Variants in RAB33B observed in about 807,000 individuals in gnomAD.
RAB33B encodes the protein RAB33B, member RAS oncogene family.
Under a neutral mutation model 15.0 loss-of-function variants are expected in RAB33B, and 6 were observed. That is an observed-to-expected ratio of 0.40 (90% CI 0.22 to 0.79). The LOEUF is 0.79. RAB33B is among the 30% of genes least tolerant of loss of function. RAB33B has a pLI of 0.37. For synonymous variants in RAB33B, 117 were observed against 108.3 expected, an observed-to-expected ratio of 1.08 and a Z score of -0.50; for missense variants, 257 against 296.4, an observed-to-expected ratio of 0.87 and a Z score of 0.98.
At chr4:139,449,372 T>C (rs1749881370), upstream of RAB33B, 1 of 152,186 alleles carries the variant, frequency 6.6e-6, no homozygotes, top group Non-Finnish European at 1.5e-5. Flanking sequence ...AGTGGTGGAC[T>C]TGTGATGGTT....
At chr4:139,471,903 T>C (rs1175761219) in intron 1 of RAB33B, among the ~76,000 whole-genome samples, 5 of 152,232 alleles carry the variant, frequency 3.3e-5, no homozygotes, top group African/African-American at 1.2e-4. Context: ...TGGTGTGAGA[T>C]AGGGATCCAG....
At chr4:139,465,506 C>T (rs975571071) in intron 1 of RAB33B, among the ~76,000 whole-genome samples, 2 of 152,054 alleles carry the variant, frequency 1.3e-5, no homozygotes, top group South Asian at 2.1e-4. Context: ...TTTCTTCTAG[C>T]GTTTTTATGG....
the RAB33B span, among the ~76,000 whole-genome samples, chr4:139,444,366 T>C: frequency 6.6e-6 from 1 of 152,102 alleles, no homozygotes; most frequent in Non-Finnish European, 1.5e-5. Context: ...GTGGAGTGGA[T>C]TAGCCACTTT....
At chr4:139,466,251 T>A (rs1181376040) in intron 1 of RAB33B, among the ~76,000 whole-genome samples, 1 of 152,228 alleles carries the variant, frequency 6.6e-6, no homozygotes, top group East Asian at 1.9e-4. Context: ...TTTGTTTTTA[T>A]AAATGACATG....
chr4:139,472,722 A>C lies in RAB33B; in HGVS notation c.286A>C (p.Arg96=). Reference sequence around the variant, plus strand: ...GGACACAGCAGGACAAGAACGATTCAGAAAGAGCATGGTTCAGCACTACTA... The same window carrying C: ...GGACACAGCAGGACAAGAACGATTCCGAAAGAGCATGGTTCAGCACTACTA... ...LWDTAGQERF[R]KSMVQHYYRN... Residue 96 remains arginine, a synonymous_variant, in exon 2 of 2, where the codon AGA becomes CGA. Transcript: ENST00000305626. The C allele has an allele frequency of 6.2e-7, 1 of 1,608,900 alleles. No homozygotes were observed. The highest frequency in any genetic ancestry group is 8.5e-7 in the Non-Finnish European group (1 of 1,175,466).
chr4:139,473,213 C>A lies in RAB33B; in HGVS notation c.*87C>A. 8.7e-7 allele frequency: 1 copy of A among 1,153,006 alleles called. No individual in the cohort carries two copies. Among genetic ancestry groups the A allele is most frequent in the Non-Finnish European group, 1.2e-6 (1 of 828,292 alleles). The allele number at this position is 1,153,006 out of a possible 1,614,324, so 71.4% of individuals were successfully genotyped here. A position where few individuals can be genotyped will look rare whatever the true frequency, so the allele number is the denominator to read the frequency against. On this transcript the variant is annotated 3_prime_UTR_variant, in exon 2 of 2. Transcript: ENST00000305626. ...ATTAAGTCATAAGATTTAATCTCAA[C>A]TATAATGGGTCATCTTGACACTTTG...
intron 1 of RAB33B, among the ~76,000 whole-genome samples, chr4:139,465,917 G>A (rs935532381): frequency 1.6e-4 from 24 of 150,752 alleles, no homozygotes; most frequent in African/African-American, 5.8e-4. Context: ...TTTAAGAGAC[G>A]AGGTCTCACT....
upstream of RAB33B, chr4:139,449,988 C>T (rs1255378417): frequency 6.6e-6 from 1 of 152,160 alleles, no homozygotes; most frequent in Non-Finnish European, 1.5e-5. Context: ...TCTTGAAGTC[C>T]AGGCCAAGCA....
upstream of RAB33B, chr4:139,448,393 G>A (rs1341439763): frequency 2.0e-5 from 3 of 152,162 alleles, no homozygotes; most frequent in Non-Finnish European, 4.4e-5. Context: ...TTAAAAACAT[G>A]TTTGTGCATA....
rs1394350928 is a variant in RAB33B at position 139,474,607 on chromosome 4, A to G, written c.*1481A>G. The G allele has an allele frequency of 1.3e-5, 2 of 152,692 alleles. No homozygotes were observed. Among genetic ancestry groups the G allele is most frequent in the African/African-American group, 4.8e-5 (2 of 41,470 alleles). The allele number at this position is 152,692 out of a possible 1,614,324, so 9.5% of individuals were successfully genotyped here. A position where few individuals can be genotyped will look rare whatever the true frequency, so the allele number is the denominator to read the frequency against. On this transcript the variant is annotated 3_prime_UTR_variant, in exon 2 of 2. Coordinates refer to ENST00000305626, the MANE Select transcript of RAB33B (RefSeq NM_031296.3). ...TCAATTTTTAAGATGTCTAAATTTT[A>G]TGGTCACAAGTTATCCCTCCTCAGT...
chr4:139,470,232 T>A (rs1369920407), intron 1 of RAB33B, among the ~76,000 whole-genome samples: 1 of 152,218 alleles, frequency 6.6e-6, no homozygotes, highest in African/African-American at 2.4e-5. Context: ...GGTGTTCTGT[T>A]GTACTGTGGC....
chr4:139,451,365 T>C (rs1427624801), upstream of RAB33B: 1 of 120,774 alleles, frequency 8.3e-6, no homozygotes, highest in African/African-American at 4.6e-5. Flanking sequence ...CACACCCACT[T>C]TTTTTTTTTT....
At chr4:139,467,083 C>G (rs1159460186) in intron 1 of RAB33B, among the ~76,000 whole-genome samples, 1 of 150,052 alleles carries the variant, frequency 6.7e-6, no homozygotes, top group Non-Finnish European at 1.5e-5. Context: ...ATTTTCCCAC[C>G]TCAACCTCCC....
At chr4:139,457,985 A>T (rs966612057) in intron 1 of RAB33B, among the ~76,000 whole-genome samples, 3 of 152,192 alleles carry the variant, frequency 2.0e-5, no homozygotes, top group Non-Finnish European at 4.4e-5. Context: ...GAACTGTTGC[A>T]GCAGCTTAAC....
intron 1 of RAB33B, among the ~76,000 whole-genome samples, chr4:139,468,012 G>GC (rs1388694721): frequency 6.9e-5 from 10 of 144,382 alleles, no homozygotes; most frequent in Admixed American, 1.4e-4. Flanking sequence ...CTACCCCGAA[G>GC]CCCCACTACC....
the RAB33B span, among the ~76,000 whole-genome samples, chr4:139,445,512 G>A: frequency 1.3e-5 from 2 of 152,222 alleles, no homozygotes; most frequent in Non-Finnish European, 2.9e-5. Context: ...GTCCAGTAGT[G>A]TGGGTCCTGT....
chr4:139,444,089 G>A, the RAB33B span, among the ~76,000 whole-genome samples: 36 of 152,122 alleles, frequency 2.4e-4, no homozygotes, highest in Non-Finnish European at 4.0e-4. Flanking sequence ...TGGAGAACAG[G>A]CATGGGAATG....
the RAB33B span, among the ~76,000 whole-genome samples, chr4:139,444,644 G>A: frequency 2.9e-3 from 445 of 152,300 alleles, 1 homozygote; most frequent in African/African-American, 9.6e-3. Flanking sequence ...AAATGTCACT[G>A]TGGTCCTCTA....
At chr4:139,472,615 A>G in intron 1 of RAB33B, 71 bp from the exon 2 acceptor site, 3 of 1,100,378 alleles carry the variant, frequency 2.7e-6, no homozygotes, top group East Asian at 2.4e-5. Flanking sequence ...ACAATGCAAG[A>G]TGATTACATT....
Sources: allele counts gnomAD v4.1 joint callset (sites outside exome capture counted in the v4.1 genomes callset), GRCh38; gene constraint gnomAD v4.1.1; transcripts MANE v1.5; gene names NCBI Gene and HGNC (gene_info 2026-07-23, HGNC 2026-07-21).